The following CLSTN2 variants were observed in gnomAD, a reference collection of about 807,000 sequenced individuals.
CLSTN2 encodes the protein calsyntenin-2.
CLSTN2 carries 48 observed loss-of-function variants against 101.2 expected under a neutral mutation model. That is an observed-to-expected ratio of 0.47 (90% confidence interval 0.38 to 0.60). The LOEUF is 0.60. Among genes scored for constraint, CLSTN2 ranks in the 20% least tolerant of loss-of-function variants. The probability of loss-of-function intolerance (pLI) is 0.00; values close to 1 mark genes in which losing one functional copy is unlikely to be tolerated. For missense variants in CLSTN2, 1,160 were observed against 1,238.2 expected, an observed-to-expected ratio of 0.94 and a Z score of 0.95; for synonymous variants, 481 against 463.6, an observed-to-expected ratio of 1.04 and a Z score of -0.48.
intron 2 of CLSTN2, among the ~76,000 whole-genome samples, chr3:140,181,521 G>A (rs1050698351): frequency 6.6e-6 from 1 of 152,196 alleles, no homozygotes; most frequent in African/African-American, 2.4e-5. Context: ...TTGTTGGGTA[G>A]TGTAATGGTG....
chr3:140,160,298 A>C (rs2010025110), intron 1 of CLSTN2, among the ~76,000 whole-genome samples: 1 of 152,188 alleles, frequency 6.6e-6, no homozygotes, highest in Non-Finnish European at 1.5e-5. Flanking sequence ...TACCAAAGAC[A>C]TGACATCTAT....
At chr3:140,383,615 G>C (rs2088016421) in intron 2 of CLSTN2, among the ~76,000 whole-genome samples, 1 of 152,172 alleles carries the variant, frequency 6.6e-6, no homozygotes, top group Admixed American at 6.5e-5. Flanking sequence ...ATAAACATGT[G>C]ACCTTTGCTG....
chr3:140,276,056 A>G (rs990316922), intron 2 of CLSTN2, among the ~76,000 whole-genome samples: 3 of 152,160 alleles, frequency 2.0e-5, no homozygotes, highest in African/African-American at 4.8e-5. Context: ...CATGGTTTGA[A>G]TAGAGAACCT....
chr3:140,359,269 CGAGTGAGT>C (rs1200730770), intron 2 of CLSTN2, among the ~76,000 whole-genome samples: 2 of 152,046 alleles, frequency 1.3e-5, no homozygotes, highest in African/African-American at 4.8e-5. Flanking sequence ...GTTTGGTGGG[CGAGTGAGT>C]GAGTGAATGA....
chr3:140,403,924 C>A, intron 3 of CLSTN2, 100 bp downstream of exon 3: 2 of 999,982 alleles, frequency 2.0e-6, no homozygotes, highest in Non-Finnish European at 1.5e-6. Context: ...TCTTGTCACA[C>A]AATGGTGCTC....
intron 8 of CLSTN2, among the ~76,000 whole-genome samples, chr3:140,479,573 C>G (rs1934067472): frequency 6.6e-6 from 1 of 152,118 alleles, no homozygotes; most frequent in Non-Finnish European, 1.5e-5. Context: ...AAACAGTATT[C>G]TACATGTTTA....
chr3:140,018,683 G>A (rs2007247964), intron 1 of CLSTN2, among the ~76,000 whole-genome samples: 1 of 152,146 alleles, frequency 6.6e-6, no homozygotes, highest in Non-Finnish European at 1.5e-5. Flanking sequence ...ATTTCCATGT[G>A]CCTCTGGTGT....
At chr3:140,366,014 C>T (rs1435741131) in intron 2 of CLSTN2, among the ~76,000 whole-genome samples, 3 of 152,186 alleles carry the variant, frequency 2.0e-5, no homozygotes, top group Non-Finnish European at 4.4e-5. Context: ...AAACCCTCTC[C>T]ACGCACAGCT....
At chr3:140,292,100 C>T (rs529360211) in intron 2 of CLSTN2, among the ~76,000 whole-genome samples, 2 of 152,110 alleles carry the variant, frequency 1.3e-5, no homozygotes, top group Non-Finnish European at 2.9e-5. Flanking sequence ...AAAAACAATG[C>T]CTCTGTCCAT....
At chr3:140,133,228 T>A (rs1473116139) in intron 1 of CLSTN2, among the ~76,000 whole-genome samples, 1 of 152,070 alleles carries the variant, frequency 6.6e-6, no homozygotes, top group Non-Finnish European at 1.5e-5. Context: ...CTAACAGAGC[T>A]AGAACTCACT....
intron 5 of CLSTN2, among the ~76,000 whole-genome samples, chr3:140,438,431 T>TA (rs60186664): frequency 0.43 from 19,627 of 45,234 alleles, 5,296 homozygotes; most frequent in Middle Eastern, 0.82. Context: ...GTCCTTTCAT[T>TA]AAAAAAAAAA....
intron 1 of CLSTN2, among the ~76,000 whole-genome samples, chr3:140,043,317 G>A (rs1280102590): frequency 6.6e-6 from 1 of 152,178 alleles, no homozygotes; most frequent in Non-Finnish European, 1.5e-5. Flanking sequence ...CTGCATAAAT[G>A]TCTTCTTTTG....
chr3:139,960,189 A>G (rs923622237), intron 1 of CLSTN2, among the ~76,000 whole-genome samples: 5 of 152,208 alleles, frequency 3.3e-5, no homozygotes, highest in African/African-American at 9.6e-5. Flanking sequence ...ACTGATTTCA[A>G]GTTACCAATG....
At chr3:140,119,988 C>T (rs2009312491) in intron 1 of CLSTN2, among the ~76,000 whole-genome samples, 1 of 152,142 alleles carries the variant, frequency 6.6e-6, no homozygotes, top group Non-Finnish European at 1.5e-5. Context: ...TAGTCTTATA[C>T]CACCACAATA....
At chr3:140,212,035 G>A (rs1031929996) in intron 2 of CLSTN2, among the ~76,000 whole-genome samples, 1 of 152,180 alleles carries the variant, frequency 6.6e-6, no homozygotes, top group African/African-American at 2.4e-5. Flanking sequence ...GATGAACAGG[G>A]ATTAAGTAAT....
chr3:140,372,842 G>A (rs1224519138), intron 2 of CLSTN2, among the ~76,000 whole-genome samples: 1 of 152,158 alleles, frequency 6.6e-6, no homozygotes, highest in Non-Finnish European at 1.5e-5. Flanking sequence ...TCTTCAGGAG[G>A]CCAAGGTGGG....
intron 9 of CLSTN2, among the ~76,000 whole-genome samples, chr3:140,543,521 G>C (rs1434317050): frequency 6.6e-6 from 1 of 152,182 alleles, no homozygotes; most frequent in Non-Finnish European, 1.5e-5. Flanking sequence ...GGTCAAAATG[G>C]CTCAAACCAT....
intron 2 of CLSTN2, among the ~76,000 whole-genome samples, chr3:140,248,696 C>A (rs2086537693): frequency 6.6e-6 from 1 of 152,204 alleles, no homozygotes; most frequent in Non-Finnish European, 1.5e-5. Context: ...AGTGCAGGAT[C>A]ACTGCATGAA....
At chr3:140,178,756 A>G (rs551195102) in intron 2 of CLSTN2, among the ~76,000 whole-genome samples, 1 of 152,188 alleles carries the variant, frequency 6.6e-6, no homozygotes, top group Non-Finnish European at 1.5e-5. Flanking sequence ...TCAGATCCCT[A>G]TCGTTCTCAT....
Sources: allele counts gnomAD v4.1 joint callset (sites outside exome capture counted in the v4.1 genomes callset), GRCh38; gene constraint gnomAD v4.1.1; transcripts MANE v1.5; gene names NCBI Gene and HGNC (gene_info 2026-07-23, HGNC 2026-07-21).